Variants in PRORP observed in about 807,000 individuals in gnomAD.
PRORP encodes protein only RNase P catalytic subunit.
PRORP carries 51 observed loss-of-function variants against 59.4 expected under a neutral mutation model. The observed-to-expected ratio is 0.86, with a 90% CI of 0.69 to 1.08. PRORP has a LOEUF of 1.08. PRORP is among the 50% of genes least tolerant of loss of function. The pLI is 0.00. For synonymous variants in PRORP, 231 were observed against 245.6 expected (o/e 0.94, Z 0.55); for missense variants, 646 against 690.3 (o/e 0.94, Z 0.72).
At chr14:35,124,427 C>G in intron 2 of PRORP, 196 bp downstream of exon 2, 1 of 351,918 alleles carries the variant, frequency 2.8e-6, no homozygotes, top group Non-Finnish European at 5.1e-6. Context: ...GCCACCATAC[C>G]TGGCTAATTA....
intron 5 of PRORP, among the ~76,000 whole-genome samples, chr14:35,260,880 AC>A (rs1233090150): frequency 2.0e-5 from 3 of 152,170 alleles, no homozygotes; most frequent in Non-Finnish European, 4.4e-5. Context: ...CTCCTGCTTT[AC>A]CCCGAAGTCT....
At chr14:35,178,607 C>T (rs1247063065) in intron 4 of PRORP, among the ~76,000 whole-genome samples, 2 of 152,166 alleles carry the variant, frequency 1.3e-5, no homozygotes, top group Non-Finnish European at 2.9e-5. Context: ...AGATCTTCCT[C>T]CATCCTTTTA....
At chr14:35,157,045 T>A (rs749211441) in intron 4 of PRORP, among the ~76,000 whole-genome samples, 245 of 151,184 alleles carry the variant, frequency 1.6e-3, no homozygotes, top group Non-Finnish European at 3.1e-3. Flanking sequence ...AAGCTCCGTC[T>A]CCTGGGTTCA....
chr14:35,246,378 AG>A (rs1017394516), intron 5 of PRORP, among the ~76,000 whole-genome samples: 3 of 152,156 alleles, frequency 2.0e-5, no homozygotes, highest in Non-Finnish European at 4.4e-5. Context: ...TATGTAACTG[AG>A]GGGGCAAGGG....
chr14:35,152,792 G>T (rs1262075486), intron 4 of PRORP, among the ~76,000 whole-genome samples: 1 of 151,930 alleles, frequency 6.6e-6, no homozygotes, highest in Admixed American at 6.5e-5. Context: ...CATCCCAGAC[G>T]GGGAGGCGGA....
rs2138694904 is a variant in PRORP at position 35,277,142 on chromosome 14, C to T, written c.*3576C>T. 1 of 152,286 alleles carries T rather than the reference C, an allele frequency of 6.6e-6. No homozygotes were observed. The highest frequency in any genetic ancestry group is 2.1e-4 in the South Asian group (1 of 4,830). 9.4% of individuals were successfully genotyped at this position (152,286 alleles called of 1,614,324 possible). A position where few individuals can be genotyped will look rare whatever the true frequency, so the allele number is the denominator to read the frequency against. ...CTGGGTTCAAGCAATTCTCATGCCT[C>T]TGCCTCTCGGGCAGCTGGAATTACA... On this transcript the variant is annotated 3_prime_UTR_variant, in exon 8 of 8. Coordinates refer to ENST00000534898, the MANE Select transcript of PRORP (RefSeq NM_014672.4).
In PRORP at chr14:35,187,626, C is replaced by T. The variant is rs576103080; in HGVS notation, c.1275+6849C>T. On this transcript the variant is annotated intron_variant, in intron 5 of 7. Coordinates refer to ENST00000534898, the MANE Select transcript of PRORP (RefSeq NM_014672.4). ...CGTATTTTTAGTAGAGACGGGTTTT[C>T]GCCATGTTGGCCAGGTTGGTCTCAA... Among the ~76,000 whole-genome samples, 13 of 151,210 alleles carry T rather than the reference C, an allele frequency of 8.6e-5. No individual in the cohort carries two copies. The East Asian group carries it at 1.2e-3, about 14-fold the overall frequency.
At chr14:35,262,900 G>C in intron 5 of PRORP, 1 of 1,562,424 alleles carries the variant, frequency 6.4e-7, no homozygotes, top group Non-Finnish European at 8.8e-7. Flanking sequence ...ATCCTTGAAG[G>C]TAATGACATT....
intron 4 of PRORP, among the ~76,000 whole-genome samples, chr14:35,170,936 G>A (rs1468487178): frequency 6.6e-6 from 1 of 151,376 alleles, no homozygotes; most frequent in Non-Finnish European, 1.5e-5. Context: ...CGCAACCTCT[G>A]CCTCCCCGGT....
chr14:35,256,619 T>C (rs2050768680), intron 5 of PRORP, among the ~76,000 whole-genome samples: 1 of 151,408 alleles, frequency 6.6e-6, no homozygotes, highest in Non-Finnish European at 1.5e-5. Context: ...CGTGAGCCAC[T>C]GCGCCTGGCC....
chr14:35,186,901 C>G (rs981610915), intron 5 of PRORP, among the ~76,000 whole-genome samples: 2 of 152,044 alleles, frequency 1.3e-5, no homozygotes, highest in Non-Finnish European at 2.9e-5. Context: ...TTCTTTCTAT[C>G]TTTATGAATT....
chr14:35,209,583 G>A (rs538891608), intron 5 of PRORP, among the ~76,000 whole-genome samples: 7 of 152,036 alleles, frequency 4.6e-5, no homozygotes, highest in South Asian at 4.1e-4. Flanking sequence ...ACAGGGTCTC[G>A]CTCTGTTGCC....
Position 35,127,599 on chromosome 14 carries a change from G to A in PRORP, c.1155G>A (p.Lys385=). 2 of 1,614,038 alleles carry A rather than the reference G, an allele frequency of 1.2e-6. No homozygotes were observed. Among genetic ancestry groups the A allele is most frequent in the Non-Finnish European group, 8.5e-7 (1 of 1,179,974 alleles). The change falls in exon 4 of 8, where the codon AAG becomes AAA. Residue 385 remains lysine, a synonymous_variant. Coordinates refer to ENST00000534898, the MANE Select transcript of PRORP (RefSeq NM_014672.4). ...DVIDGGDQYR[K]TTPQELKRFE... ...TAGATGGAGGTGACCAGTACAGAAA[G>A]ACAACACCTCAGGTGAGTCTAACAA...
rs868304345 is a variant in PRORP, at chr14:35,276,935, T to C, written c.*3369T>C. 6.6e-6 allele frequency: 1 copy of C among 152,218 alleles called. No homozygotes were observed. Among genetic ancestry groups the C allele is most frequent in the South Asian group, 2.1e-4 (1 of 4,836 alleles). The allele number at this position is 152,218 out of a possible 1,614,324, so 9.4% of individuals were successfully genotyped here. The stretch of plus-strand genomic sequence containing the variant: ...TGGGTCTACCTCATCTGAGGTGGCT[T>C]ATTCTTCATAGGAAATTAATTTTTC... On this transcript the variant is annotated 3_prime_UTR_variant, in exon 8 of 8. Transcript: ENST00000534898.
At chr14:35,245,967 A>G (rs929022149) in intron 5 of PRORP, among the ~76,000 whole-genome samples, 1 of 152,280 alleles carries the variant, frequency 6.6e-6, no homozygotes, top group Middle Eastern at 3.4e-3. Flanking sequence ...ATTCTTACAC[A>G]TGATGGTATA....
chr14:35,233,601 C>G (rs554353048), intron 5 of PRORP, among the ~76,000 whole-genome samples: 1 of 137,672 alleles, frequency 7.3e-6, no homozygotes, highest in Admixed American at 8.9e-5. Context: ...CTCAGATTAC[C>G]TGTGTTAGGC....
At chr14:35,127,703 G>A (rs1238427831) in intron 4 of PRORP, 92 bp downstream of exon 4, 2 of 1,373,384 alleles carry the variant, frequency 1.5e-6, no homozygotes, top group African/African-American at 2.9e-5. Flanking sequence ...AATATTTTAG[G>A]CTTTGTAGGT....
intron 4 of PRORP, among the ~76,000 whole-genome samples, chr14:35,154,893 G>A (rs559274200): frequency 5.3e-5 from 8 of 150,778 alleles, no homozygotes; most frequent in African/African-American, 1.7e-4. Flanking sequence ...ATGCTAGTGA[G>A]TTAAAACTCT....
intron 4 of PRORP, among the ~76,000 whole-genome samples, chr14:35,137,933 G>T (rs1595173104): frequency 6.9e-6 from 1 of 145,600 alleles, no homozygotes; most frequent in African/African-American, 2.4e-5. Context: ...TGTTTTGGTT[G>T]GTTGGTTGTT....
Sources: gnomAD v4.1 joint callset for allele counts (sites outside exome capture counted in the v4.1 genomes callset) on GRCh38, gnomAD v4.1.1 for gene constraint, MANE v1.5 for transcripts, NCBI Gene and HGNC (gene_info 2026-07-23, HGNC 2026-07-21) for gene names.